Variants in PHKA2 observed in about 807,000 individuals in gnomAD.
PHKA2 encodes the protein phosphorylase b kinase regulatory subunit alpha, liver isoform.
PHKA2 carries 31 observed loss-of-function variants against 102.0 expected under a neutral mutation model. The observed-to-expected ratio is 0.30, with a 90% CI of 0.23 to 0.41. PHKA2 has a LOEUF of 0.41. Ranked by LOEUF, PHKA2 falls within the 10% of genes least tolerant of loss-of-function variation. PHKA2 has a pLI of 1.00. For missense variants in PHKA2, 858 were observed against 1,023.1 expected (o/e 0.84, Z 2.20); for synonymous variants, 455 against 416.2 (o/e 1.09, Z -1.13).
At chrX:18,904,345 T>C (rs1024193612) in intron 26 of PHKA2, among the ~76,000 whole-genome samples, 2 of 112,201 alleles carry the variant, frequency 1.8e-5, no homozygotes, top group African/African-American at 6.5e-5. Context: ...GCTTCCTAAT[T>C]TACAAAAATT....
At chrX:18,950,739 C>T (rs2048668541) in intron 4 of PHKA2, among the ~76,000 whole-genome samples, 1 of 112,626 alleles carries the variant, frequency 8.9e-6, no homozygotes, top group African/African-American at 3.2e-5. Context: ...CGATTAGGCC[C>T]TGAGGACTCC....
chrX:18,924,821 C>G (rs1024181039), intron 15 of PHKA2, among the ~76,000 whole-genome samples: 1 of 112,102 alleles, frequency 8.9e-6, no homozygotes, highest in Non-Finnish European at 1.9e-5. Context: ...GAAAGCAAAT[C>G]AATAACTCCT....
intron 1 of PHKA2, among the ~76,000 whole-genome samples, chrX:18,968,416 C>T (rs1293487727): frequency 9.0e-6 from 1 of 111,247 alleles, no homozygotes; most frequent in African/African-American, 3.3e-5. Context: ...CAGCTTCACA[C>T]AGATATGCAG....
At chrX:18,907,799 C>T in intron 22 of PHKA2, 101 bp downstream of exon 22, 1 of 920,839 alleles carries the variant, frequency 1.1e-6, no homozygotes, top group Admixed American at 2.2e-5. Flanking sequence ...AAGAATGGGG[C>T]TCCTTCACAA....
intron 13 of PHKA2, among the ~76,000 whole-genome samples, chrX:18,926,996 C>A (rs1010358055): frequency 2.7e-5 from 3 of 111,671 alleles, no homozygotes; most frequent in African/African-American, 9.8e-5. Flanking sequence ...GAAGCCTGTG[C>A]CCCTGCTCCC....
At chrX:18,966,027 A>T (rs1256860294) in intron 1 of PHKA2, among the ~76,000 whole-genome samples, 1 of 105,906 alleles carries the variant, frequency 9.4e-6, no homozygotes. Context: ...TCAGCTCACG[A>T]GAAGAATTGA....
rs1438089904 is a variant in PHKA2 at position 18,983,992 on chromosome X, C to G, written c.-60G>C. On this transcript the variant is annotated 5_prime_UTR_variant, in exon 1 of 33. Coordinates refer to ENST00000379942, the MANE Select transcript of PHKA2 (RefSeq NM_000292.3). ...GCCGCGTGGGCGCGGGACGTCGGGG[C>G]TGTGGCCTCCAAGCGGGTCTGGTTC... is the stretch of plus-strand genomic sequence containing the variant. The G allele has an allele frequency of 1.0e-5, 10 of 983,238 alleles. No individual in the cohort carries two copies. The highest frequency in any genetic ancestry group is 1.5e-5 in the Non-Finnish European group (10 of 689,047). 81.0% of individuals were successfully genotyped at this position (983,238 alleles called of 1,213,427 possible).
chrX:18,912,186 T>C (rs1275815552), intron 19 of PHKA2, among the ~76,000 whole-genome samples: 1 of 112,467 alleles, frequency 8.9e-6, no homozygotes, highest in Non-Finnish European at 1.9e-5. Flanking sequence ...TAATTTTAAT[T>C]CCTTCCAACC....
intron 10 of PHKA2, among the ~76,000 whole-genome samples, chrX:18,936,837 G>A (rs1320625245): frequency 1.8e-5 from 2 of 111,994 alleles, no homozygotes; most frequent in Non-Finnish European, 3.8e-5. Context: ...AAGTGTGAGC[G>A]ACAGCAAAGG....
Position 18,983,655 on chromosome X carries a change from C to T in PHKA2, c.78+200G>A, listed in dbSNP as rs185526184. Among the ~76,000 whole-genome samples, 375 of 112,415 alleles carry T rather than the reference C, an allele frequency of 3.3e-3. 1 individual carries two copies. Among genetic ancestry groups the T allele is most frequent in the African/African-American group, 0.012 (367 of 30,982 alleles). On this transcript the variant is annotated intron_variant, in intron 1 of 32. Coordinates refer to ENST00000379942, the MANE Select transcript of PHKA2 (RefSeq NM_000292.3). The stretch of plus-strand genomic sequence containing the variant: ...GCCAAAGAATTCTGTGAAAAGTAGC[C>T]GTAGCAACAGTTAGGTCCCCTGAAT...
rs772579555 is a variant in PHKA2, at chrX:18,960,516, G to C, written c.79-6104C>G. On this transcript the variant is annotated intron_variant, in intron 1 of 32. Transcript: ENST00000379942. ...GGCACTTCACATGGTGAGAGCAGAA[G>C]CAAGAGGGAGATGGGGGAGGTGCCA... Among the ~76,000 whole-genome samples, 3 of 111,859 alleles carry C rather than the reference G, an allele frequency of 2.7e-5. No homozygotes were observed. The East Asian group carries it at 8.4e-4, about 31-fold the overall frequency.
intron 4 of PHKA2, among the ~76,000 whole-genome samples, chrX:18,950,861 C>T (rs2048671331): frequency 8.9e-6 from 1 of 112,491 alleles, no homozygotes; most frequent in Admixed American, 9.3e-5. Context: ...AGCAGTCCTC[C>T]TCTTTGGAGG....
At chrX:18,935,607 G>T (rs1182510732) in intron 11 of PHKA2, among the ~76,000 whole-genome samples, 3 of 107,555 alleles carry the variant, frequency 2.8e-5, no homozygotes, top group African/African-American at 1.0e-4. Context: ...ACTACCTAAG[G>T]CTTTTTTTTT....
intron 1 of PHKA2, among the ~76,000 whole-genome samples, chrX:18,959,554 C>G (rs2048837766): frequency 9.0e-6 from 1 of 111,661 alleles, no homozygotes; most frequent in Non-Finnish European, 1.9e-5. Flanking sequence ...CTCTCCACAC[C>G]CAGGTCTTGC....
At chrX:18,955,171 G>C (rs1601782079) in intron 1 of PHKA2, among the ~76,000 whole-genome samples, 1 of 112,583 alleles carries the variant, frequency 8.9e-6, no homozygotes, top group Non-Finnish European at 1.9e-5. Flanking sequence ...GCAGAAAAAG[G>C]AAGTATGGAT....
intron 1 of PHKA2, among the ~76,000 whole-genome samples, chrX:18,975,128 T>C (rs1011727475): frequency 9.0e-6 from 1 of 111,421 alleles, no homozygotes; most frequent in African/African-American, 3.3e-5. Context: ...CTACTTATCA[T>C]TTCTACTTGG....
At chrX:18,896,854 T>C (rs1274516070) in intron 30 of PHKA2, among the ~76,000 whole-genome samples, 1 of 112,113 alleles carries the variant, frequency 8.9e-6, no homozygotes, top group Non-Finnish European at 1.9e-5. Context: ...GCTGTGGTTC[T>C]CAACTGGGTT....
chrX:18,923,462 C>A (rs1248314324), intron 17 of PHKA2, among the ~76,000 whole-genome samples: 1 of 111,716 alleles, frequency 9.0e-6, no homozygotes, highest in African/African-American at 3.3e-5. Flanking sequence ...AAGGGGTATT[C>A]CTGGAGGGCA....
At position 18,906,591 on chromosome X, in the gene PHKA2, C is replaced by T; in HGVS notation, c.2710G>A (p.Ala904Thr). 4.2e-6 allele frequency: 5 copies of T among 1,198,896 alleles called. No homozygotes were observed. The highest frequency in any genetic ancestry group is 5.7e-6 in the Non-Finnish European group (5 of 883,304). The change falls in exon 25 of 33, where the codon GCG (alanine) becomes ACG (threonine). Residue 904 changes from alanine to threonine, a missense_variant. Physicochemically the swap from Ala to Thr is moderately conservative, Grantham distance 58 (BLOSUM62 0). Coordinates refer to ENST00000379942, the MANE Select transcript of PHKA2 (RefSeq NM_000292.3). ...ATCTCCACAAAGAGGCTGGGCTGCGCCCTGACATACATGGCCAGGTAAACC... is the reference window on the plus strand; with the variant it reads ...ATCTCCACAAAGAGGCTGGGCTGCGTCCTGACATACATGGCCAGGTAAACC... The part of the protein sequence containing the change: ...IVVYLAMYVR[A>T]QPSLFVEMLR...
Sources: allele counts gnomAD v4.1 joint callset (sites outside exome capture counted in the v4.1 genomes callset), GRCh38; gene constraint gnomAD v4.1.1; transcripts MANE v1.5; gene names NCBI Gene and HGNC (gene_info 2026-07-23, HGNC 2026-07-21).